ARHGAP15: variants seen among roughly 807,000 people sequenced by gnomAD.
ARHGAP15 encodes rho GTPase-activating protein 15.
In ARHGAP15, 51 loss-of-function variants were observed where a neutral mutation model predicts 63.7. That is an observed-to-expected ratio of 0.80 (90% CI 0.64 to 1.01). The LOEUF (loss-of-function observed/expected upper bound fraction) is 1.01. ARHGAP15 is among the 50% of genes least tolerant of loss of function. The pLI is 0.00. For missense variants in ARHGAP15, 560 were observed against 564.6 expected, an observed-to-expected ratio of 0.99 and a Z score of 0.08; for synonymous variants, 191 against 193.8, an observed-to-expected ratio of 0.99 and a Z score of 0.12.
chr2:143,150,275 C>T (rs1311356050), intron 1 of ARHGAP15, among the ~76,000 whole-genome samples: 1 of 151,938 alleles, frequency 6.6e-6, no homozygotes, highest in Admixed American at 6.6e-5. Context: ...CTCAAAAGGG[C>T]AGGCTGCTGA....
chr2:143,603,840 A>G (rs535865158), intron 11 of ARHGAP15, among the ~76,000 whole-genome samples: 119 of 152,304 alleles, frequency 7.8e-4, no homozygotes, highest in African/African-American at 2.8e-3. Flanking sequence ...TAACTTTACT[A>G]CAGATAAGAA....
chr2:143,339,054 T>C (rs1167988512), intron 6 of ARHGAP15, among the ~76,000 whole-genome samples: 1 of 152,128 alleles, frequency 6.6e-6, no homozygotes, highest in Non-Finnish European at 1.5e-5. Context: ...TTTTTTTTCA[T>C]AAATATTGAT....
chr2:143,200,687 T>C (rs1403177172), intron 2 of ARHGAP15, among the ~76,000 whole-genome samples: 1 of 152,040 alleles, frequency 6.6e-6, no homozygotes, highest in Non-Finnish European at 1.5e-5. Context: ...AAATTCTCTT[T>C]CTCTTTATGT....
intron 6 of ARHGAP15, among the ~76,000 whole-genome samples, chr2:143,293,490 C>T (rs1682499274): frequency 6.6e-6 from 1 of 152,056 alleles, no homozygotes; most frequent in African/African-American, 2.4e-5. Flanking sequence ...GTCTTGAGAC[C>T]CACTGATTGT....
chr2:143,200,537 A>G (rs1224385817), intron 2 of ARHGAP15, among the ~76,000 whole-genome samples: 2 of 151,690 alleles, frequency 1.3e-5, no homozygotes, highest in African/African-American at 2.4e-5. Flanking sequence ...TCTTACACTT[A>G]TCTCTCTTTC....
At chr2:143,329,099 T>C (rs1474348773) in intron 6 of ARHGAP15, among the ~76,000 whole-genome samples, 1 of 152,222 alleles carries the variant, frequency 6.6e-6, no homozygotes, top group African/African-American at 2.4e-5. Flanking sequence ...AGCAGTAACT[T>C]TACTATGCTC....
intron 8 of ARHGAP15, among the ~76,000 whole-genome samples, chr2:143,466,510 T>C (rs751353802): frequency 1.5e-4 from 23 of 152,096 alleles, no homozygotes; most frequent in Non-Finnish European, 2.5e-4. Flanking sequence ...AAGAGTATTT[T>C]ACATAATGGG....
chr2:143,737,690 A>G (rs1403322745), intron 13 of ARHGAP15, among the ~76,000 whole-genome samples: 4 of 152,088 alleles, frequency 2.6e-5, no homozygotes, highest in Admixed American at 6.5e-5. Flanking sequence ...TCCCATCCCT[A>G]ATGGTAATCT....
intron 6 of ARHGAP15, among the ~76,000 whole-genome samples, chr2:143,420,305 A>T (rs1688864449): frequency 6.6e-6 from 1 of 152,182 alleles, no homozygotes; most frequent in South Asian, 2.1e-4. Flanking sequence ...GATGAACAGA[A>T]GATGGAAAAA....
chr2:143,184,365 A>G lies in ARHGAP15; in HGVS notation c.166-17769A>G, dbSNP rs76994545. 7.8e-3 allele frequency among the ~76,000 whole-genome samples: 1,187 copies of G among 152,294 alleles called. 15 individuals carry two copies. Among genetic ancestry groups the G allele is most frequent in the African/African-American group, 0.027 (1,121 of 41,558 alleles). On this transcript the variant is annotated intron_variant, in intron 2 of 13. Transcript: ENST00000295095. ...CTAGCTTACTTAGGAATTATTTCTG[A>G]TGACTTTAATTTCAATAAGGCAGGA...
chr2:143,421,130 C>A (rs897822172), intron 6 of ARHGAP15, among the ~76,000 whole-genome samples: 1 of 151,478 alleles, frequency 6.6e-6, no homozygotes, highest in African/African-American at 2.4e-5. Context: ...AGCACATTGC[C>A]CCATCTTTGT....
intron 13 of ARHGAP15, among the ~76,000 whole-genome samples, chr2:143,705,500 A>G (rs1379379856): frequency 6.6e-6 from 1 of 152,204 alleles, no homozygotes; most frequent in African/African-American, 2.4e-5. Flanking sequence ...AATGCATATA[A>G]AACGCCTGGC....
intron 6 of ARHGAP15, among the ~76,000 whole-genome samples, chr2:143,308,426 C>G (rs1423726042): frequency 6.6e-6 from 1 of 151,630 alleles, no homozygotes; most frequent in Non-Finnish European, 1.5e-5. Context: ...AGATTCTATT[C>G]TTTAAAATCA....
chr2:143,389,955 A>G (rs1229571172), intron 6 of ARHGAP15, among the ~76,000 whole-genome samples: 1 of 150,880 alleles, frequency 6.6e-6, no homozygotes. Context: ...TTTTCATGGT[A>G]TTGAAATAAT....
At chr2:143,218,299 T>TTTTG (rs10678903) in intron 4 of ARHGAP15, among the ~76,000 whole-genome samples, 25 of 144,758 alleles carry the variant, frequency 1.7e-4, no homozygotes, top group African/African-American at 6.3e-4. Flanking sequence ...TTTTTTTTTT[T>TTTTG]GTTGCTGCTG....
At chr2:143,470,950 A>T (rs2105186693) in intron 8 of ARHGAP15, among the ~76,000 whole-genome samples, 1 of 139,882 alleles carries the variant, frequency 7.1e-6, no homozygotes, top group Non-Finnish European at 1.6e-5. Context: ...GTATATACAC[A>T]CATGTGTATC....
At chr2:143,272,017 A>G (rs1212032831) in intron 6 of ARHGAP15, among the ~76,000 whole-genome samples, 1 of 152,236 alleles carries the variant, frequency 6.6e-6, no homozygotes, top group African/African-American at 2.4e-5. Context: ...ATTCCCTAGA[A>G]GAATGAACTA....
chr2:143,578,310 A>G (rs1331244276), intron 11 of ARHGAP15, among the ~76,000 whole-genome samples: 1 of 152,178 alleles, frequency 6.6e-6, no homozygotes, highest in Non-Finnish European at 1.5e-5. Flanking sequence ...AAAGCTAAGC[A>G]CATGTTGTCA....
intron 3 of ARHGAP15, among the ~76,000 whole-genome samples, chr2:143,211,354 T>G (rs970612213): frequency 4.0e-4 from 39 of 96,446 alleles, no homozygotes; most frequent in Non-Finnish European, 7.1e-4. Context: ...CGGGCGTGGG[T>G]GGGGGGCGGG....
Sources: gnomAD v4.1 joint callset for allele counts (sites outside exome capture counted in the v4.1 genomes callset) on GRCh38, gnomAD v4.1.1 for gene constraint, MANE v1.5 for transcripts, NCBI Gene and HGNC (gene_info 2026-07-23, HGNC 2026-07-21) for gene names.